The following HDAC9 variants were observed in gnomAD, a reference collection of about 807,000 sequenced individuals.
HDAC9 encodes the protein MEF-2 interacting transcription repressor (MITR) protein.
Under a neutral mutation model 139.4 loss-of-function variants are expected in HDAC9, and 41 were observed. That is an observed-to-expected ratio of 0.29 (90% CI 0.23 to 0.38). The LOEUF (loss-of-function observed/expected upper bound fraction) is 0.38. HDAC9 is among the 10% of genes least tolerant of loss of function. The pLI is 1.00. For synonymous variants in HDAC9, 517 were observed against 476.2 expected (o/e 1.09, Z -1.12); for missense variants, 1,147 against 1,297.0 (o/e 0.88, Z 1.78).
chr7:18,431,670 T>A (rs1402757974), intron 1 of HDAC9, among the ~76,000 whole-genome samples: 1 of 152,218 alleles, frequency 6.6e-6, no homozygotes, highest in Non-Finnish European at 1.5e-5. Flanking sequence ...ACCCCCATGA[T>A]GCCTTAAAAA....
At chr7:18,467,802 G>C (rs1214024369) in intron 1 of HDAC9, among the ~76,000 whole-genome samples, 1 of 152,032 alleles carries the variant, frequency 6.6e-6, no homozygotes, top group Non-Finnish European at 1.5e-5. Context: ...TTTTCCCCTT[G>C]TGTCCTCTTC....
At chr7:18,826,925 A>G (rs894618974) in intron 17 of HDAC9, among the ~76,000 whole-genome samples, 1 of 151,594 alleles carries the variant, frequency 6.6e-6, no homozygotes, top group Non-Finnish European at 1.5e-5. Context: ...TCCCCATTAG[A>G]TAATTCATTT....
intron 2 of HDAC9, among the ~76,000 whole-genome samples, chr7:18,583,387 G>A (rs1436299428): frequency 6.6e-6 from 1 of 152,082 alleles, no homozygotes; most frequent in Non-Finnish European, 1.5e-5. Flanking sequence ...ACTGGTACAT[G>A]TAAAGACTGA....
chr7:18,172,243 T>C (rs577444726), intron 2 of HDAC9, among the ~76,000 whole-genome samples: 2 of 152,334 alleles, frequency 1.3e-5, no homozygotes, highest in East Asian at 3.9e-4. Flanking sequence ...GCGGTTTTTA[T>C]AGTATTCTAT....
At chr7:18,422,742 G>GCACA (rs1415773160) in intron 1 of HDAC9, among the ~76,000 whole-genome samples, 1,454 of 136,184 alleles carry the variant, frequency 0.011, 23 homozygotes, top group African/African-American at 0.04. Context: ...ACACACACAC[G>GCACA]CGCACACACA....
intron 12 of HDAC9, among the ~76,000 whole-genome samples, chr7:18,722,012 A>G (rs139051803): frequency 2.0e-5 from 3 of 152,330 alleles, no homozygotes; most frequent in African/African-American, 7.2e-5. Context: ...ATATTGAGGA[A>G]TTTACAAAAT....
intron 7 of HDAC9, among the ~76,000 whole-genome samples, chr7:18,633,101 A>G (rs368956041): frequency 1.3e-5 from 2 of 152,068 alleles, no homozygotes; most frequent in African/African-American, 2.4e-5. Flanking sequence ...ATATGAAGTC[A>G]TGATACTGAG....
intron 22 of HDAC9, among the ~76,000 whole-genome samples, chr7:18,888,650 C>G (rs1563025056): frequency 6.6e-6 from 1 of 152,190 alleles, no homozygotes; most frequent in Non-Finnish European, 1.5e-5. Context: ...TTGTGTGGAT[C>G]TAGCCAGATT....
At chr7:18,513,876 C>T (rs938928068) in intron 2 of HDAC9, among the ~76,000 whole-genome samples, 2 of 152,108 alleles carry the variant, frequency 1.3e-5, no homozygotes, top group African/African-American at 2.4e-5. Context: ...GGCAAATAAC[C>T]CCAGTAATTT....
At chr7:18,975,395 A>T (rs776331923) in intron 24 of HDAC9, among the ~76,000 whole-genome samples, 1 of 152,212 alleles carries the variant, frequency 6.6e-6, no homozygotes, top group Non-Finnish European at 1.5e-5. Context: ...CTTAAAGTTA[A>T]TGATTCAAGT....
chr7:18,837,731 G>A (rs1394514792), intron 21 of HDAC9, among the ~76,000 whole-genome samples: 1 of 152,030 alleles, frequency 6.6e-6, no homozygotes, highest in Non-Finnish European at 1.5e-5. Context: ...CACAAAGTGA[G>A]CGGTGGATGA....
intron 2 of HDAC9, among the ~76,000 whole-genome samples, chr7:18,555,189 T>C (rs1265135849): frequency 1.3e-5 from 2 of 152,228 alleles, no homozygotes; most frequent in Non-Finnish European, 2.9e-5. Flanking sequence ...TACAATGCTT[T>C]TGGAAAGACA....
intron 6 of HDAC9, among the ~76,000 whole-genome samples, chr7:18,618,306 A>G (rs1020746867): frequency 2.6e-5 from 4 of 152,162 alleles, no homozygotes; most frequent in African/African-American, 9.7e-5. Context: ...TATTTTACTC[A>G]GATGTTATGG....
At chr7:18,954,301 T>C (rs1419060255) in intron 24 of HDAC9, 71 bp downstream of exon 24, 1 of 1,045,240 alleles carries the variant, frequency 9.6e-7, no homozygotes, top group Admixed American at 2.3e-5. Flanking sequence ...AAAATTATAG[T>C]ACAAAGAAAC....
Position 18,113,462 on chromosome 7 carries a change from G to A in HDAC9, c.-97+26249G>A, listed in dbSNP as rs139430133. 1.2e-3 allele frequency among the ~76,000 whole-genome samples: 184 copies of A among 152,206 alleles called. 1 individual carries two copies. The highest frequency in any genetic ancestry group is 4.1e-3 in the African/African-American group (172 of 41,528). ...TGTAATGCTACATTTCCATGGACAC[G>A]GATTAAGTTTCTACGAGATGATCAG... On this transcript the variant is annotated intron_variant, in intron 1 of 12. Transcript: ENST00000417496.
At chr7:18,748,889 T>C in intron 13 of HDAC9, 116 bp from the exon 14 acceptor site, 2 of 986,184 alleles carry the variant, frequency 2.0e-6, no homozygotes, top group Admixed American at 2.6e-5. Flanking sequence ...ATTTCCTCCT[T>C]TGTTAAATTT....
intron 1 of HDAC9, among the ~76,000 whole-genome samples, chr7:18,148,564 C>T (rs1786517742): frequency 6.6e-6 from 1 of 152,152 alleles, no homozygotes. Context: ...TCATGCGATT[C>T]CCCCACCTCA....
At chr7:18,832,738 T>TAC (rs1554371667) in intron 19 of HDAC9, among the ~76,000 whole-genome samples, 3 of 151,088 alleles carry the variant, frequency 2.0e-5, no homozygotes, top group Non-Finnish European at 4.4e-5. Flanking sequence ...GATATATATA[T>TAC]ATTTTTTTTT....
At chr7:18,487,747 T>C (rs1423600751) in intron 1 of HDAC9, among the ~76,000 whole-genome samples, 2 of 152,084 alleles carry the variant, frequency 1.3e-5, no homozygotes, top group African/African-American at 2.4e-5. Context: ...CAAAAGTTGT[T>C]GCTATTTTCA....
Sources: allele counts gnomAD v4.1 joint callset (sites outside exome capture counted in the v4.1 genomes callset), GRCh38; gene constraint gnomAD v4.1.1; transcripts MANE v1.5; gene names NCBI Gene and HGNC (gene_info 2026-07-23, HGNC 2026-07-21).